Variants in KCNQ1 observed in about 807,000 individuals in gnomAD.
KCNQ1 encodes the protein potassium voltage-gated channel subfamily KQT member 1.
Under a neutral mutation model 72.4 loss-of-function variants are expected in KCNQ1, and 49 were observed. The ratio of observed to expected loss-of-function variants is 0.68; its 90% CI spans 0.54 to 0.86. The LOEUF is 0.86. Ranked by LOEUF, KCNQ1 falls within the 40% of genes least tolerant of loss-of-function variation. KCNQ1 has a pLI of 0.00. For synonymous variants in KCNQ1, 450 were observed against 412.6 expected (o/e 1.09, Z -1.10); for missense variants, 790 against 945.1 (o/e 0.84, Z 2.15).
chr11:2,837,271 C>G (rs573368224), intron 15 of KCNQ1, among the ~76,000 whole-genome samples: 1 of 152,062 alleles, frequency 6.6e-6, no homozygotes, highest in Non-Finnish European at 1.5e-5. Flanking sequence ...TGTTGAGGGA[C>G]GGAGGTGGCC....
At chr11:2,610,157 ATTC>A in intron 10 of KCNQ1, 1 of 397,264 alleles carries the variant, frequency 2.5e-6, no homozygotes, top group Non-Finnish European at 4.4e-6. Flanking sequence ...TTCTTTTATG[ATTC>A]TTCAATATTC....
In KCNQ1 at chr11:2,848,216, G is replaced by A. The variant is rs1269469051; in HGVS notation, c.*213G>A. On this transcript the variant is annotated 3_prime_UTR_variant, in exon 16 of 16. Transcript: ENST00000155840. Reference sequence around the variant, plus strand: ...TCTTCCTGGCCGGTGTGGGGGCCCCGTCTCAGGTCTGAGTTGTTACCCCAA... The same window carrying A: ...TCTTCCTGGCCGGTGTGGGGGCCCCATCTCAGGTCTGAGTTGTTACCCCAA... 46 of 664,558 alleles carry A rather than the reference G, an allele frequency of 6.9e-5. No individual in the cohort carries two copies. The highest frequency in any genetic ancestry group is 9.8e-5 in the Non-Finnish European group (36 of 367,796). 41.2% of individuals were successfully genotyped at this position (664,558 alleles called of 1,614,324 possible). A position where few individuals can be genotyped will look rare whatever the true frequency, so the allele number is the denominator to read the frequency against.
chr11:2,809,892 C>G lies in KCNQ1; in HGVS notation c.1794+31855C>G, dbSNP rs1011554730. 6.6e-6 allele frequency among the ~76,000 whole-genome samples: 1 copy of G among 152,042 alleles called. No homozygotes were observed. The highest frequency in any genetic ancestry group is 2.4e-5 in the African/African-American group (1 of 41,374). ...GCCATCCTAGATTGGGTTTACTGTT[C>G]CCTGGTACTCAGACCTGCTTAATGC... On this transcript the variant is annotated intron_variant, in intron 15 of 15. Coordinates refer to ENST00000155840, the MANE Select transcript of KCNQ1 (RefSeq NM_000218.3). This position sits in a 1 kb window ranked among gnomAD's most constrained non-coding sequence, Gnocchi z 7.1.
chr11:2,500,153 C>T (rs1007147799), intron 1 of KCNQ1, among the ~76,000 whole-genome samples: 1 of 152,128 alleles, frequency 6.6e-6, no homozygotes, highest in Non-Finnish European at 1.5e-5. Context: ...TTACCAAAAC[C>T]TGTGGGATTT....
At chr11:2,605,566 T>C (rs1293126813) in intron 10 of KCNQ1, among the ~76,000 whole-genome samples, 9 of 152,240 alleles carry the variant, frequency 5.9e-5, no homozygotes, top group Non-Finnish European at 1.5e-5. Context: ...TGAACATTCT[T>C]GGCATCCTTG....
chr11:2,672,576 C>T (rs1850205939), intron 11 of KCNQ1: 1 of 398,692 alleles, frequency 2.5e-6, no homozygotes, highest in East Asian at 3.6e-5. Flanking sequence ...ACCACATGGC[C>T]TGAATTTTGA....
intron 2 of KCNQ1, among the ~76,000 whole-genome samples, chr11:2,552,444 G>A (rs971337351): frequency 2.0e-5 from 3 of 152,142 alleles, no homozygotes; most frequent in Non-Finnish European, 4.4e-5. Context: ...GGAAAGCACT[G>A]TCTTGATTAC....
In KCNQ1 at chr11:2,818,917, G is replaced by C. The variant is rs1184013696; in HGVS notation, c.1795-28850G>C. ...GAGTGGGCCACATGCCTCTTGGAAGGCAGGTGGCACAAGAGGTTCATCCCA... is the reference window on the plus strand; with the variant it reads ...GAGTGGGCCACATGCCTCTTGGAAGCCAGGTGGCACAAGAGGTTCATCCCA... On this transcript the variant is annotated intron_variant, in intron 15 of 15. Coordinates refer to ENST00000155840, the MANE Select transcript of KCNQ1 (RefSeq NM_000218.3). The surrounding 1 kb of genome is among the most constrained non-coding windows in gnomAD (Gnocchi z 7.2). Among the ~76,000 whole-genome samples the C allele has an allele frequency of 6.6e-6, 1 of 152,080 alleles. No homozygotes were observed. Among genetic ancestry groups the C allele is most frequent in the Admixed American group, 6.5e-5 (1 of 15,272 alleles).
rs1387834587 is a variant in KCNQ1, at chr11:2,690,717, T to A, written c.1514+28636T>A. 2 of 398,532 alleles carry A rather than the reference T, an allele frequency of 5.0e-6. No individual in the cohort carries two copies. The highest frequency in any genetic ancestry group is 8.8e-6 in the Non-Finnish European group (2 of 226,092). The allele number at this position is 398,532 out of a possible 1,614,324, so 24.7% of individuals were successfully genotyped here. A position where few individuals can be genotyped will look rare whatever the true frequency, so the allele number is the denominator to read the frequency against. ...GAATTCCTGAGGGCTTTCCATTTGA[T>A]CCCAGTGGTTGAAGATGGAGTATGA... On this transcript the variant is annotated intron_variant, in intron 11 of 15. Transcript: ENST00000155840. This position sits in a 1 kb window ranked among gnomAD's most constrained non-coding sequence, Gnocchi z 5.1.
At position 2,508,360 on chromosome 11, in the gene KCNQ1, C is replaced by T. The variant is rs943013120; in HGVS notation, c.387-19568C>T. Among the ~76,000 whole-genome samples, 21 of 152,168 alleles carry T rather than the reference C, an allele frequency of 1.4e-4. No homozygotes were observed. Among genetic ancestry groups the T allele is most frequent in the African/African-American group, 5.1e-4 (21 of 41,446 alleles). The stretch of plus-strand genomic sequence containing the variant: ...GCCCATCATTGTCCTGGAACCTGGG[C>T]TTGGCAGGGCAAGCTTTGGGGAGCA... On this transcript the variant is annotated intron_variant, in intron 1 of 15. Transcript: ENST00000155840. The surrounding 1 kb of genome is among the most constrained non-coding windows in gnomAD (Gnocchi z 6.2).
rs2283178 is a variant in KCNQ1 at position 2,592,200 on chromosome 11, G to A, written c.1393+3346G>A. On this transcript the variant is annotated intron_variant, in intron 10 of 15. Coordinates refer to ENST00000155840, the MANE Select transcript of KCNQ1 (RefSeq NM_000218.3). This position sits in a 1 kb window ranked among gnomAD's most constrained non-coding sequence, Gnocchi z 5.2. ...GCTCGTGCTCTAGCTGGTGCTGTGC[G>A]GTGTTGGCCCCATTTATAGATGGAG... is the stretch of plus-strand genomic sequence containing the variant. Among the ~76,000 whole-genome samples, 32,368 of 152,210 alleles carry A rather than the reference G, an allele frequency of 0.21. 4,692 individuals are homozygous for A. The highest frequency in any genetic ancestry group is 0.51 in the East Asian group (2,648 of 5,156).
chr11:2,555,925 C>T (rs1848063286), intron 2 of KCNQ1, among the ~76,000 whole-genome samples: 1 of 152,228 alleles, frequency 6.6e-6, no homozygotes, highest in South Asian at 2.1e-4. Context: ...GGCCCTGAGG[C>T]CTATGGCCTG....
chr11:2,614,875 C>T (rs1020486088), intron 10 of KCNQ1: 1 of 398,118 alleles, frequency 2.5e-6, no homozygotes, highest in South Asian at 1.3e-4. Context: ...TTGTTTGGGG[C>T]CCTGGGAAAA....
At chr11:2,643,535 T>C (rs899013896) in intron 10 of KCNQ1, 1 of 398,554 alleles carries the variant, frequency 2.5e-6, no homozygotes, top group African/African-American at 2.1e-5. Flanking sequence ...CTTTCAACTA[T>C]GTGTCTTTAC....
intron 1 of KCNQ1, among the ~76,000 whole-genome samples, chr11:2,474,002 G>A (rs16928325): frequency 0.028 from 4,250 of 152,344 alleles, 224 homozygotes; most frequent in African/African-American, 0.098. Context: ...CGGGCAGCCG[G>A]GCCAACCTGC....
intron 1 of KCNQ1, among the ~76,000 whole-genome samples, chr11:2,512,867 C>T (rs1847232588): frequency 6.6e-6 from 1 of 152,192 alleles, no homozygotes; most frequent in Non-Finnish European, 1.5e-5. Context: ...CGGTCTGTCC[C>T]CTTGGCGAGA....
rs540324493 is a variant in KCNQ1 at position 2,560,974 on chromosome 11, G to A, written c.478-9654G>A. 1.8e-3 allele frequency among the ~76,000 whole-genome samples: 270 copies of A among 151,998 alleles called. 2 individuals carry two copies. The highest frequency in any genetic ancestry group is 6.1e-3 in the African/African-American group (253 of 41,424). On this transcript the variant is annotated intron_variant, in intron 2 of 15. Transcript: ENST00000155840. ...TCCCAGCACTTTGGGAGGCCGAGGC[G>A]GGCGGATCACGAGGTCAGGAGATCG... is the stretch of plus-strand genomic sequence containing the variant.
chr11:2,461,025 C>T (rs1471857097), intron 1 of KCNQ1, among the ~76,000 whole-genome samples: 1 of 152,162 alleles, frequency 6.6e-6, no homozygotes, highest in Non-Finnish European at 1.5e-5. Flanking sequence ...GGGCCTCACT[C>T]TCCTGGCCTC....
rs1846873878 is a variant in KCNQ1, at chr11:2,494,045, C to T, written c.387-33883C>T. On this transcript the variant is annotated intron_variant, in intron 1 of 15. Transcript: ENST00000155840. This position sits in a 1 kb window ranked among gnomAD's most constrained non-coding sequence, Gnocchi z 4.6. Reference sequence around the variant, plus strand: ...CCTTCAGCAGTGGTTTGTTGTTCTCCTTGAAGAGGTCCTTCACATCCCTTG... The same window carrying T: ...CCTTCAGCAGTGGTTTGTTGTTCTCTTTGAAGAGGTCCTTCACATCCCTTG... Among the ~76,000 whole-genome samples the T allele has an allele frequency of 1.3e-5, 2 of 152,074 alleles. No individual in the cohort carries two copies. Among genetic ancestry groups the T allele is most frequent in the East Asian group, 3.9e-4 (2 of 5,172 alleles).
Sources: allele counts gnomAD v4.1 joint callset (sites outside exome capture counted in the v4.1 genomes callset), GRCh38; gene constraint gnomAD v4.1.1; non-coding constraint Gnocchi (gnomAD v3.1); transcripts MANE v1.5; gene names NCBI Gene and HGNC (gene_info 2026-07-23, HGNC 2026-07-21).